The following SMYD3 variants were observed in gnomAD, a reference collection of about 807,000 sequenced individuals.
SMYD3 encodes SET and MYND domain containing 3.
A neutral mutation model predicts 57.7 loss-of-function variants in SMYD3; 36 were observed. The observed-to-expected ratio is 0.62, with a 90% CI of 0.48 to 0.82. The LOEUF (loss-of-function observed/expected upper bound fraction) is 0.82. SMYD3 is among the 40% of genes least tolerant of loss of function. The pLI, the probability that SMYD3 is intolerant of heterozygous loss-of-function variation, is 0.00. For synonymous variants in SMYD3, 211 were observed against 195.0 expected, an observed-to-expected ratio of 1.08 and a Z score of -0.68; for missense variants, 515 against 538.8, an observed-to-expected ratio of 0.96 and a Z score of 0.44.
At chr1:246,495,072 G>A (rs917643003) in intron 1 of SMYD3, among the ~76,000 whole-genome samples, 3 of 152,180 alleles carry the variant, frequency 2.0e-5, no homozygotes, top group East Asian at 1.9e-4. Context: ...ATGCTCTGCC[G>A]GGCGCGGTGG....
chr1:245,839,256 G>A (rs961956075), intron 10 of SMYD3, among the ~76,000 whole-genome samples: 13 of 152,126 alleles, frequency 8.5e-5, no homozygotes, highest in Non-Finnish European at 1.6e-4. Flanking sequence ...TGCAAGCTCC[G>A]CCTCCCGGGT....
At chr1:245,890,590 T>TG in intron 8 of SMYD3, among the ~76,000 whole-genome samples, 1 of 152,128 alleles carries the variant, frequency 6.6e-6, no homozygotes, top group East Asian at 1.9e-4. Context: ...GACAAAGATG[T>TG]GGAAAAAAAG....
intron 8 of SMYD3, among the ~76,000 whole-genome samples, chr1:245,864,205 G>A (rs1424609268): frequency 2.0e-5 from 3 of 152,168 alleles, no homozygotes; most frequent in East Asian, 1.9e-4. Flanking sequence ...AGGGTTAAAC[G>A]TAGAGTTTTC....
chr1:246,133,904 T>G (rs935010163), intron 5 of SMYD3, among the ~76,000 whole-genome samples: 2 of 152,190 alleles, frequency 1.3e-5, no homozygotes, highest in Non-Finnish European at 2.9e-5. Flanking sequence ...CATTTCATTT[T>G]AGAACTCCAT....
At chr1:246,124,535 C>T (rs2061475964) in intron 5 of SMYD3, among the ~76,000 whole-genome samples, 1 of 152,150 alleles carries the variant, frequency 6.6e-6, no homozygotes, top group African/African-American at 2.4e-5. Flanking sequence ...ATGTACCCAT[C>T]ACCTATTAGG....
intron 5 of SMYD3, among the ~76,000 whole-genome samples, chr1:246,053,630 T>G (rs991580855): frequency 6.6e-6 from 1 of 152,120 alleles, no homozygotes; most frequent in Non-Finnish European, 1.5e-5. Flanking sequence ...AAAACCCTTA[T>G]GCCATAACAT....
At chr1:246,067,857 C>G (rs527582361) in intron 5 of SMYD3, among the ~76,000 whole-genome samples, 1 of 152,098 alleles carries the variant, frequency 6.6e-6, no homozygotes, top group African/African-American at 2.4e-5. Context: ...GGCTGAGGTC[C>G]GTCAGCATCA....
chr1:246,163,310 C>CTGTA (rs1378666382), intron 5 of SMYD3, among the ~76,000 whole-genome samples: 3 of 152,210 alleles, frequency 2.0e-5, no homozygotes, highest in Non-Finnish European at 1.5e-5. Flanking sequence ...AAGGGTAAGG[C>CTGTA]TGTAGCTCAC....
Position 245,813,635 on chromosome 1 carries a change from T to G in SMYD3, c.1076+44861A>C, listed in dbSNP as rs150219935. On this transcript the variant is annotated intron_variant, in intron 10 of 11. Transcript: ENST00000490107. ...TCACCTTTACAGCAAGGCTGAAGAC[T>G]AGGTGGGCAACAGCGCTGCATGTCA... is the stretch of plus-strand genomic sequence containing the variant. Among the ~76,000 whole-genome samples, 131 of 152,286 alleles carry G rather than the reference T, an allele frequency of 8.6e-4. 2 individuals are homozygous for G. The East Asian group carries it at 0.023, about 26-fold the overall frequency.
rs576382553 is a variant in SMYD3 at position 245,971,665 on chromosome 1, C to T, written c.532-41728G>A. ...AGGCCGCAGGGACTCTACCTTTTAT[C>T]TCTAAATCTCTGGAGCCTACCTTGG... On this transcript the variant is annotated intron_variant, in intron 5 of 11. Transcript: ENST00000490107. Among the ~76,000 whole-genome samples the T allele has an allele frequency of 1.3e-4, 20 of 152,300 alleles. No homozygotes were observed. In the East Asian group the frequency reaches 1.5e-3, roughly 12 times the overall value.
intron 5 of SMYD3, among the ~76,000 whole-genome samples, chr1:246,308,395 C>T (rs1433400005): frequency 6.6e-6 from 1 of 151,916 alleles, no homozygotes; most frequent in African/African-American, 2.4e-5. Context: ...TTCAATATGC[C>T]ATAGAAATAA....
chr1:246,421,843 A>G (rs546098180), intron 1 of SMYD3, among the ~76,000 whole-genome samples: 16 of 152,326 alleles, frequency 1.1e-4, no homozygotes, highest in African/African-American at 3.8e-4. Context: ...AAGCCCCTGA[A>G]CCAAGAGCGC....
intron 1 of SMYD3, among the ~76,000 whole-genome samples, chr1:246,356,580 A>C (rs945506429): frequency 2.6e-5 from 4 of 152,184 alleles, no homozygotes; most frequent in African/African-American, 9.7e-5. Context: ...TCTTCAGTGA[A>C]ATAGCATAAA....
At chr1:246,470,116 T>C (rs1263243301) in intron 1 of SMYD3, among the ~76,000 whole-genome samples, 2 of 152,146 alleles carry the variant, frequency 1.3e-5, no homozygotes, top group Non-Finnish European at 2.9e-5. Flanking sequence ...TTCAAAAATA[T>C]TAATATCATA....
chr1:246,008,382 G>C (rs974676164), intron 5 of SMYD3, among the ~76,000 whole-genome samples: 1 of 152,148 alleles, frequency 6.6e-6, no homozygotes, highest in Non-Finnish European at 1.5e-5. Flanking sequence ...AAATAAAGGT[G>C]GGCCTCACTG....
chr1:246,217,787 G>C (rs990464167), intron 5 of SMYD3, among the ~76,000 whole-genome samples: 11 of 152,194 alleles, frequency 7.2e-5, no homozygotes, highest in Admixed American at 7.2e-4. Flanking sequence ...GTAAAAATTG[G>C]CAACAGTTTT....
At chr1:246,021,365 G>GT (rs1452683244) in intron 5 of SMYD3, among the ~76,000 whole-genome samples, 1 of 152,186 alleles carries the variant, frequency 6.6e-6, no homozygotes, top group Non-Finnish European at 1.5e-5. Flanking sequence ...TAATCTTCCT[G>GT]TGGTACAGAT....
chr1:246,404,720 C>G (rs1451715865), intron 1 of SMYD3, among the ~76,000 whole-genome samples: 2 of 152,044 alleles, frequency 1.3e-5, no homozygotes, highest in Non-Finnish European at 2.9e-5. Context: ...CCACATTTGG[C>G]TAGTTAATGA....
At chr1:246,136,951 A>C (rs192961369) in intron 5 of SMYD3, among the ~76,000 whole-genome samples, 2 of 152,230 alleles carry the variant, frequency 1.3e-5, no homozygotes, top group Non-Finnish European at 2.9e-5. Flanking sequence ...TTTTAACTCT[A>C]TTAAATCAGT....
Sources: gnomAD v4.1 joint callset for allele counts (sites outside exome capture counted in the v4.1 genomes callset) on GRCh38, gnomAD v4.1.1 for gene constraint, MANE v1.5 for transcripts, NCBI Gene and HGNC (gene_info 2026-07-23, HGNC 2026-07-21) for gene names.